MAGI2: variants seen among roughly 807,000 people sequenced by gnomAD.
MAGI2 encodes membrane associated guanylate kinase, WW and PDZ domain containing 2, also known as membrane-associated guanylate kinase, WW and PDZ domain-containing protein 2.
Under a neutral mutation model 133.3 loss-of-function variants are expected in MAGI2, and 35 were observed. The ratio of observed to expected loss-of-function variants is 0.26; its 90% CI spans 0.20 to 0.35. MAGI2 has a LOEUF of 0.35. Ranked by LOEUF, MAGI2 falls within the 10% of genes least tolerant of loss-of-function variation. The pLI is 1.00. For synonymous variants in MAGI2, 729 were observed against 710.6 expected (o/e 1.03, Z -0.41); for missense variants, 1,636 against 1,863.4 (o/e 0.88, Z 2.25).
chr7:78,425,054 T>G (rs1257987379), intron 6 of MAGI2, among the ~76,000 whole-genome samples: 4 of 152,124 alleles, frequency 2.6e-5, no homozygotes, highest in Non-Finnish European at 2.9e-5. Context: ...ATGATATGGT[T>G]TGTCTTTGTC....
intron 10 of MAGI2, among the ~76,000 whole-genome samples, chr7:78,236,063 G>A (rs542103058): frequency 2.4e-4 from 36 of 148,008 alleles, no homozygotes; most frequent in African/African-American, 8.5e-4. Context: ...GGGCACTGTC[G>A]TATGGAAGGA....
At chr7:78,315,550 C>T (rs565207721) in intron 9 of MAGI2, among the ~76,000 whole-genome samples, 6 of 152,224 alleles carry the variant, frequency 3.9e-5, no homozygotes, top group Non-Finnish European at 7.4e-5. Flanking sequence ...GCTCCTTGTT[C>T]GCATACACCC....
chr7:79,127,767 G>A (rs1011820107), intron 1 of MAGI2, among the ~76,000 whole-genome samples: 10 of 152,086 alleles, frequency 6.6e-5, no homozygotes, highest in Admixed American at 5.9e-4. Context: ...CACTTTGATG[G>A]TAGTTTCTTT....
At chr7:79,318,761 ATAAT>A (rs1267911309) in intron 1 of MAGI2, among the ~76,000 whole-genome samples, 2 of 152,140 alleles carry the variant, frequency 1.3e-5, no homozygotes, top group East Asian at 1.9e-4. Context: ...CGTTGAAAAA[ATAAT>A]TAAACAAATT....
chr7:79,049,712 A>T (rs1376279470), intron 1 of MAGI2, among the ~76,000 whole-genome samples: 1 of 150,210 alleles, frequency 6.7e-6, no homozygotes, highest in Non-Finnish European at 1.5e-5. Flanking sequence ...ATATTTTACT[A>T]CCTCTCATAT....
intron 2 of MAGI2, among the ~76,000 whole-genome samples, chr7:78,696,768 A>T (rs1817556668): frequency 6.6e-6 from 1 of 152,152 alleles, no homozygotes; most frequent in South Asian, 2.1e-4. Flanking sequence ...TAACAGGCAA[A>T]CCACCATTCA....
At chr7:78,780,708 G>T (rs112831410) in intron 2 of MAGI2, among the ~76,000 whole-genome samples, 2 of 152,284 alleles carry the variant, frequency 1.3e-5, no homozygotes, top group African/African-American at 4.8e-5. Context: ...CCAAGGCGGG[G>T]CTCCTCCAGT....
chr7:78,680,281 G>T (rs1466807983), intron 2 of MAGI2, among the ~76,000 whole-genome samples: 1 of 152,006 alleles, frequency 6.6e-6, no homozygotes, highest in Non-Finnish European at 1.5e-5. Context: ...AATCTTCTGT[G>T]ATATTATTTG....
At chr7:78,173,096 A>G (rs1428973800) in intron 14 of MAGI2, among the ~76,000 whole-genome samples, 1 of 152,224 alleles carries the variant, frequency 6.6e-6, no homozygotes, top group Non-Finnish European at 1.5e-5. Context: ...AATCCATGTA[A>G]TCTGAGGAGG....
At chr7:78,367,699 C>A (rs1793521005) in intron 7 of MAGI2, among the ~76,000 whole-genome samples, 1 of 152,182 alleles carries the variant, frequency 6.6e-6, no homozygotes, top group Non-Finnish European at 1.5e-5. Flanking sequence ...ACTCAGTTCT[C>A]TTTCCTTACA....
chr7:78,199,509 G>A (rs1397130472), intron 11 of MAGI2, among the ~76,000 whole-genome samples: 1 of 152,182 alleles, frequency 6.6e-6, no homozygotes. Context: ...TATAGAACTT[G>A]AGACTGATAG....
intron 16 of MAGI2, among the ~76,000 whole-genome samples, chr7:78,140,290 C>T (rs1242422361): frequency 6.6e-6 from 1 of 152,184 alleles, no homozygotes; most frequent in African/African-American, 2.4e-5. Context: ...TCTCCTCTTT[C>T]CTCATTATTT....
At chr7:79,003,021 G>T (rs1807050329) in intron 2 of MAGI2, among the ~76,000 whole-genome samples, 1 of 151,798 alleles carries the variant, frequency 6.6e-6, no homozygotes, top group African/African-American at 2.4e-5. Context: ...AGATTGATGG[G>T]CTTTTTGTAT....
At chr7:78,413,120 T>C (rs1161065252) in intron 6 of MAGI2, among the ~76,000 whole-genome samples, 1 of 152,100 alleles carries the variant, frequency 6.6e-6, no homozygotes, top group Non-Finnish European at 1.5e-5. Flanking sequence ...TTTTCTTCTT[T>C]GGGTCTTAGT....
At chr7:78,667,539 C>A (rs1813759513) in intron 2 of MAGI2, among the ~76,000 whole-genome samples, 1 of 143,294 alleles carries the variant, frequency 7.0e-6, no homozygotes, top group South Asian at 2.2e-4. Context: ...ATCCCTCCCG[C>A]CTCCCCCCAC....
chr7:79,039,690 T>G (rs1562819781), intron 1 of MAGI2, among the ~76,000 whole-genome samples: 1 of 151,432 alleles, frequency 6.6e-6, no homozygotes, highest in Non-Finnish European at 1.5e-5. Context: ...CAGTAAAAAG[T>G]GGGCAAAGAG....
chr7:78,634,850 T>C (rs1809457084), intron 2 of MAGI2, among the ~76,000 whole-genome samples: 1 of 152,184 alleles, frequency 6.6e-6, no homozygotes, highest in Admixed American at 6.5e-5. Flanking sequence ...TCTGTTTTGG[T>C]TGGGACTTTC....
intron 7 of MAGI2, among the ~76,000 whole-genome samples, chr7:78,359,997 G>A (rs1390329107): frequency 6.6e-6 from 1 of 152,120 alleles, no homozygotes; most frequent in Admixed American, 6.5e-5. Context: ...CACACAAAAG[G>A]AATTTTGAAA....
chr7:79,005,085 G>GA (rs965503054), intron 2 of MAGI2, among the ~76,000 whole-genome samples: 1,307 of 85,008 alleles, frequency 0.015, 8 homozygotes, highest in Middle Eastern at 0.03. Flanking sequence ...TCCATCTCAA[G>GA]AAAAAAAAAA....
Sources: gnomAD v4.1 joint callset for allele counts (sites outside exome capture counted in the v4.1 genomes callset) on GRCh38, gnomAD v4.1.1 for gene constraint, MANE v1.5 for transcripts, NCBI Gene and HGNC (gene_info 2026-07-23, HGNC 2026-07-21) for gene names.